Variants in KCNIP1 observed in about 807,000 individuals in gnomAD.
The protein encoded by KCNIP1 is A-type potassium channel modulatory protein KCNIP1.
KCNIP1 carries 18 observed loss-of-function variants against 33.0 expected under a neutral mutation model. That is an observed-to-expected ratio of 0.55 (90% CI 0.38 to 0.81). The LOEUF (loss-of-function observed/expected upper bound fraction) is 0.81. Ranked by LOEUF, KCNIP1 falls within the 30% of genes least tolerant of loss-of-function variation. The pLI is 0.00. For missense variants in KCNIP1, 238 were observed against 271.6 expected (o/e 0.88, Z 0.87); for synonymous variants, 93 against 98.3 (o/e 0.95, Z 0.32).
chr5:170,526,329 C>A lies in KCNIP1; in HGVS notation c.61+21696C>A, dbSNP rs367929545. ...GTCAATATCAACTCTACGCAGTAGC[C>A]CATTTCTGTAGATGAAGAAAGGGAG... On this transcript the variant is annotated intron_variant, in intron 1 of 7. Coordinates refer to ENST00000328939, the MANE Select transcript of KCNIP1 (RefSeq NM_014592.4). Among the ~76,000 whole-genome samples, 44 of 152,306 alleles carry A rather than the reference C, an allele frequency of 2.9e-4. 1 individual carries two copies. Among genetic ancestry groups the A allele is most frequent in the African/African-American group, 1.1e-3 (44 of 41,562 alleles).
At chr5:170,479,953 T>C (rs1756941196) in intron 1 of KCNIP1, among the ~76,000 whole-genome samples, 1 of 152,230 alleles carries the variant, frequency 6.6e-6, no homozygotes, top group Non-Finnish European at 1.5e-5. Context: ...AACCATTGTT[T>C]ACAAAATTAT....
intron 1 of KCNIP1, among the ~76,000 whole-genome samples, chr5:170,715,630 C>T (rs1407858857): frequency 6.6e-6 from 1 of 152,194 alleles, no homozygotes; most frequent in African/African-American, 2.4e-5. Flanking sequence ...CAATGGTCCC[C>T]TCACTCCCTT....
At chr5:170,703,615 A>C (rs1428923019) in intron 1 of KCNIP1, among the ~76,000 whole-genome samples, 1 of 137,198 alleles carries the variant, frequency 7.3e-6, no homozygotes, top group Non-Finnish European at 1.5e-5. Context: ...TCTACCAAAA[A>C]AAAATTAATT....
chr5:170,414,872 T>G (rs540754390), intron 1 of KCNIP1, among the ~76,000 whole-genome samples: 1 of 152,352 alleles, frequency 6.6e-6, no homozygotes, highest in East Asian at 1.9e-4. Flanking sequence ...TCCCACTCTG[T>G]GGCTTCTTGT....
chr5:170,596,826 T>C (rs1410310331), intron 1 of KCNIP1, among the ~76,000 whole-genome samples: 1 of 151,920 alleles, frequency 6.6e-6, no homozygotes, highest in Non-Finnish European at 1.5e-5. Context: ...GTCCAGGGGG[T>C]CCCCAACCAT....
intron 1 of KCNIP1, among the ~76,000 whole-genome samples, chr5:170,654,067 C>T (rs757426042): frequency 6.6e-6 from 1 of 152,152 alleles, no homozygotes; most frequent in Non-Finnish European, 1.5e-5. Flanking sequence ...AAGTCTGTCA[C>T]TCCCTCCTCT....
chr5:170,410,762 A>C (rs1755165333), intron 1 of KCNIP1, among the ~76,000 whole-genome samples: 1 of 152,246 alleles, frequency 6.6e-6, no homozygotes, highest in East Asian at 1.9e-4. Flanking sequence ...CAGGATAAAA[A>C]GGAAGAAATC....
At chr5:170,501,607 A>G (rs1757415632), upstream of KCNIP1, among the ~76,000 whole-genome samples, 1 of 152,220 alleles carries the variant, frequency 6.6e-6, no homozygotes, top group African/African-American at 2.4e-5. Flanking sequence ...GTTGTGGGGA[A>G]GCAGAAATGA....
intron 1 of KCNIP1, among the ~76,000 whole-genome samples, chr5:170,423,281 T>C (rs1755537154): frequency 1.1e-5 from 1 of 91,470 alleles, no homozygotes; most frequent in Non-Finnish European, 2.1e-5. Context: ...TTTCTTTTTC[T>C]TTCTTGTTTT....
chr5:170,502,836 C>T (rs1444035725), upstream of KCNIP1, among the ~76,000 whole-genome samples: 1 of 152,078 alleles, frequency 6.6e-6, no homozygotes, highest in African/African-American at 2.4e-5. Context: ...CCAAGCAGCT[C>T]AGACTTGGGG....
rs143518979 is a variant in KCNIP1 at position 170,536,051 on chromosome 5, T to G, written c.61+31418T>G. Among the ~76,000 whole-genome samples, 822 of 152,346 alleles carry G rather than the reference T, an allele frequency of 5.4e-3. 8 individuals are homozygous for G. The highest frequency in any genetic ancestry group is 0.019 in the African/African-American group (776 of 41,574). On this transcript the variant is annotated intron_variant, in intron 1 of 7. Coordinates refer to ENST00000328939, the MANE Select transcript of KCNIP1 (RefSeq NM_014592.4). ...TTTCTCCGCCAGAATATCAACTCCG[T>G]AAAGGCAGGATTTTGTTTGTTCCCC...
chr5:170,475,018 A>G (rs902656534), intron 1 of KCNIP1, among the ~76,000 whole-genome samples: 1 of 152,168 alleles, frequency 6.6e-6, no homozygotes, highest in Non-Finnish European at 1.5e-5. Context: ...TCCATTTTAC[A>G]AAGTGCTGAT....
rs1257318289 is a variant in KCNIP1 at position 170,486,639 on chromosome 5, G to GGT, written c.88+132681_88+132682dup. Among the ~76,000 whole-genome samples, 6 of 152,302 alleles carry GGT rather than the reference G, an allele frequency of 3.9e-5. No individual in the cohort carries two copies. The East Asian group carries it at 9.6e-4, about 24-fold the overall frequency. ...GGATTTGGTTCTTAAGCATTTTCTG[G>GGT]GTGTGTGAGCCCCATACCCTTCTCA... On this transcript the variant is annotated intron_variant, in intron 1 of 7. Coordinates refer to the KCNIP1 transcript ENST00000377360.
At chr5:170,581,101 T>C (rs1345884928) in intron 1 of KCNIP1, among the ~76,000 whole-genome samples, 4 of 152,196 alleles carry the variant, frequency 2.6e-5, no homozygotes, top group Non-Finnish European at 2.9e-5. Flanking sequence ...GTATTATTCC[T>C]CCCAGATGCT....
At chr5:170,627,079 G>C (rs2113659368) in intron 1 of KCNIP1, among the ~76,000 whole-genome samples, 1 of 152,268 alleles carries the variant, frequency 6.6e-6, no homozygotes, top group East Asian at 1.9e-4. Flanking sequence ...GGGCCAGTGG[G>C]GGCCGTGGCT....
intron 1 of KCNIP1, among the ~76,000 whole-genome samples, chr5:170,649,578 C>A (rs1356878656): frequency 6.6e-6 from 1 of 152,208 alleles, no homozygotes; most frequent in Admixed American, 6.5e-5. Flanking sequence ...TTGATGTCAT[C>A]TATTCCCCAA....
intron 1 of KCNIP1, among the ~76,000 whole-genome samples, chr5:170,474,465 C>T (rs2113145005): frequency 6.6e-6 from 1 of 152,266 alleles, no homozygotes; most frequent in South Asian, 2.1e-4. Context: ...ATAGCTCAGT[C>T]AAAGAACCTA....
chr5:170,516,416 C>T (rs1755122598), intron 1 of KCNIP1, among the ~76,000 whole-genome samples: 1 of 152,214 alleles, frequency 6.6e-6, no homozygotes. Context: ...CTTCCCTTCT[C>T]AGCATCTTCG....
intron 1 of KCNIP1, among the ~76,000 whole-genome samples, chr5:170,609,226 A>G (rs892445267): frequency 6.6e-6 from 1 of 152,198 alleles, no homozygotes; most frequent in African/African-American, 2.4e-5. Flanking sequence ...GGGGAGGTCA[A>G]CAGAGAGCAA....
Sources: allele counts gnomAD v4.1 joint callset (sites outside exome capture counted in the v4.1 genomes callset), GRCh38; gene constraint gnomAD v4.1.1; transcripts MANE v1.5; gene names NCBI Gene and HGNC (gene_info 2026-07-23, HGNC 2026-07-21).